The following ADAMTSL3 variants were observed in gnomAD, a reference collection of about 807,000 sequenced individuals.
ADAMTSL3 encodes ADAMTS like 3, also known as ADAMTS-like protein 3.
ADAMTSL3 carries 128 observed loss-of-function variants against 201.7 expected under a neutral mutation model. The ratio of observed to expected loss-of-function variants is 0.63; its 90% CI spans 0.55 to 0.73. The LOEUF (loss-of-function observed/expected upper bound fraction) is 0.73, where lower values mean the gene tolerates loss of function less well. Among genes scored for constraint, ADAMTSL3 ranks in the 30% least tolerant of loss-of-function variants. The probability of loss-of-function intolerance (pLI) is 0.00; values close to 1 mark genes in which losing one functional copy is unlikely to be tolerated. For synonymous variants in ADAMTSL3, 738 were observed against 748.4 expected, an observed-to-expected ratio of 0.99 and a Z score of 0.23; for missense variants, 1,990 against 2,119.6, an observed-to-expected ratio of 0.94 and a Z score of 1.20.
chr15:83,698,660 T>A (rs984481897), intron 2 of ADAMTSL3, among the ~76,000 whole-genome samples: 3 of 152,144 alleles, frequency 2.0e-5, no homozygotes, highest in Non-Finnish European at 4.4e-5. Context: ...GGAAGTCAAC[T>A]TCCATCTGGC....
intron 19 of ADAMTSL3, among the ~76,000 whole-genome samples, chr15:83,943,538 A>G (rs2066602971): frequency 6.6e-6 from 1 of 152,190 alleles, no homozygotes; most frequent in Non-Finnish European, 1.5e-5. Context: ...GCAAGCTTGA[A>G]TTAGTGCAGT....
At chr15:83,962,256 T>C (rs2066987775) in intron 19 of ADAMTSL3, 1 of 152,230 alleles carries the variant, frequency 6.6e-6, no homozygotes, top group Admixed American at 6.5e-5. Flanking sequence ...TAAACCTCTT[T>C]CCTTTATAAC....
chr15:83,680,395 A>C (rs866261996), intron 2 of ADAMTSL3, among the ~76,000 whole-genome samples: 1 of 152,144 alleles, frequency 6.6e-6, no homozygotes, highest in Middle Eastern at 3.4e-3. Context: ...CAAGGGGGAC[A>C]TGAGTATACA....
Position 83,983,026 on chromosome 15 carries a change from C to A in ADAMTSL3, c.3398C>A (p.Pro1133Gln). The A allele has an allele frequency of 6.2e-7, 1 of 1,614,164 alleles. No homozygotes were observed. The highest frequency in any genetic ancestry group is 1.6e-4 in the Middle Eastern group (1 of 6,062). The change falls in exon 21 of 30, where the codon CCA (proline) becomes CAA (glutamine). Residue 1133 changes from proline to glutamine, a missense_variant. Pro to Gln is a moderately conservative substitution (Grantham distance 76). Transcript: ENST00000286744. ...QLVAELAKAQ[P>Q]THMQWRGIQE... The stretch of plus-strand genomic sequence containing the variant: ...GTGGCCGAATTAGCCAAGGCACAGC[C>A]AACACACATGCAGTGGCGGGGCATC...
intron 2 of ADAMTSL3, among the ~76,000 whole-genome samples, chr15:83,669,683 T>G (rs192847931): frequency 6.6e-6 from 1 of 151,284 alleles, no homozygotes; most frequent in Non-Finnish European, 1.5e-5. Context: ...TTAGCCAGGA[T>G]GGTCTCAATC....
chr15:83,828,553 C>T (rs1235187504), intron 6 of ADAMTSL3, among the ~76,000 whole-genome samples: 2 of 152,138 alleles, frequency 1.3e-5, no homozygotes, highest in Non-Finnish European at 2.9e-5. Context: ...GCCAGAACTT[C>T]CAACACTATG....
At chr15:83,907,928 A>C (rs1242789459) in intron 15 of ADAMTSL3, among the ~76,000 whole-genome samples, 1 of 152,178 alleles carries the variant, frequency 6.6e-6, no homozygotes, top group Non-Finnish European at 1.5e-5. Flanking sequence ...CGGCAGTTTT[A>C]TTTTTAAGTC....
chr15:83,864,612 C>T (rs898383155), intron 8 of ADAMTSL3, among the ~76,000 whole-genome samples: 4 of 152,130 alleles, frequency 2.6e-5, no homozygotes, highest in Non-Finnish European at 5.9e-5. Context: ...TGGAACGTAT[C>T]TCAAAATAAT....
chr15:83,923,347 G>A lies in ADAMTSL3; in HGVS notation c.1988-557G>A, dbSNP rs958443191. Among the ~76,000 whole-genome samples, 4 of 152,194 alleles carry A rather than the reference G, an allele frequency of 2.6e-5. No homozygotes were observed. The East Asian group carries it at 7.7e-4, about 29-fold the overall frequency. On this transcript the variant is annotated intron_variant, in intron 16 of 29. Transcript: ENST00000286744. ...CACTTTGTACACTTTCCAAATAGGA[G>A]GTATTGTTATTGTTTTTCCTAGCAA...
At chr15:83,798,542 T>A (rs1490886505) in intron 4 of ADAMTSL3, among the ~76,000 whole-genome samples, 1 of 152,146 alleles carries the variant, frequency 6.6e-6, no homozygotes, top group Non-Finnish European at 1.5e-5. Context: ...GTGTGGTGGC[T>A]CACGCCTGTA....
intron 15 of ADAMTSL3, among the ~76,000 whole-genome samples, chr15:83,908,024 A>G (rs2065871842): frequency 6.6e-6 from 1 of 152,230 alleles, no homozygotes; most frequent in Non-Finnish European, 1.5e-5. Flanking sequence ...TCTTTCACTA[A>G]TACATGCTGC....
chr15:83,925,842 A>G (rs539342839), intron 17 of ADAMTSL3, among the ~76,000 whole-genome samples: 8 of 152,200 alleles, frequency 5.3e-5, no homozygotes, highest in Non-Finnish European at 1.0e-4. Context: ...CTCCCCTGCT[A>G]CATCCCTTCC....
intron 2 of ADAMTSL3, among the ~76,000 whole-genome samples, chr15:83,666,974 T>C (rs540525130): frequency 6.6e-6 from 1 of 152,242 alleles, no homozygotes; most frequent in African/African-American, 2.4e-5. Flanking sequence ...TTTTATCTTA[T>C]GTTGCAAATA....
At chr15:83,797,675 T>C (rs371358797) in intron 4 of ADAMTSL3, among the ~76,000 whole-genome samples, 2 of 152,262 alleles carry the variant, frequency 1.3e-5, no homozygotes, top group African/African-American at 4.8e-5. Context: ...TTTTAAAATG[T>C]CAAATATTGA....
At chr15:83,814,269 C>CT (rs1431790171) in intron 5 of ADAMTSL3, among the ~76,000 whole-genome samples, 10 of 152,172 alleles carry the variant, frequency 6.6e-5, no homozygotes, top group Non-Finnish European at 1.3e-4. Flanking sequence ...CCTCTCATGT[C>CT]TGTCTCCAGA....
In ADAMTSL3 at chr15:83,773,558, T is replaced by C; in HGVS notation, c.225T>C (p.Asp75=). The part of the protein sequence containing the change: ...SRNTRSDEDK[D]GNWDAWGDWS... ...ACACTCGTTCAGATGAAGACAAAGA[T>C]GGCAACTGGGATGCTTGGGGCGACT... The change falls in exon 4 of 30, where the codon GAT becomes GAC. Residue 75 remains aspartate, a synonymous_variant. Transcript: ENST00000286744. 1.2e-6 allele frequency: 2 copies of C among 1,614,020 alleles called. No individual in the cohort carries two copies. The highest frequency in any genetic ancestry group is 1.1e-5 in the South Asian group (1 of 91,078).
intron 3 of ADAMTSL3, among the ~76,000 whole-genome samples, chr15:83,724,851 GTT>G (rs1445641065): frequency 6.6e-6 from 1 of 151,994 alleles, no homozygotes; most frequent in Non-Finnish European, 1.5e-5. Flanking sequence ...AAGACCTCCA[GTT>G]TCATCCATGT....
intron 4 of ADAMTSL3, among the ~76,000 whole-genome samples, chr15:83,779,494 C>T (rs575745535): frequency 1.3e-4 from 20 of 151,998 alleles, no homozygotes; most frequent in African/African-American, 1.9e-4. Flanking sequence ...GTCAGGAGAT[C>T]GAGACCATCC....
intron 6 of ADAMTSL3, among the ~76,000 whole-genome samples, 178 bp from the exon 7 acceptor site, chr15:83,837,911 A>G (rs2064306507): frequency 1.3e-5 from 2 of 152,306 alleles, no homozygotes; most frequent in African/African-American, 4.8e-5. Flanking sequence ...CATTAGAATC[A>G]TATAAATGAT....
Sources: gnomAD v4.1 joint callset for allele counts (sites outside exome capture counted in the v4.1 genomes callset) on GRCh38, gnomAD v4.1.1 for gene constraint, MANE v1.5 for transcripts, NCBI Gene and HGNC (gene_info 2026-07-23, HGNC 2026-07-21) for gene names.